MST1R: variants seen among roughly 807,000 people sequenced by gnomAD.
MST1R encodes macrophage-stimulating protein receptor.
Under a neutral mutation model 117.8 loss-of-function variants are expected in MST1R, and 99 were observed. The observed-to-expected ratio is 0.84, with a 90% CI of 0.71 to 0.99. MST1R has a LOEUF of 0.99. MST1R is among the 50% of genes least tolerant of loss of function. The pLI, the probability that MST1R is intolerant of heterozygous loss-of-function variation, is 0.00. For missense variants in MST1R, 1,683 were observed against 1,840.2 expected, an observed-to-expected ratio of 0.91 and a Z score of 1.56; for synonymous variants, 734 against 765.3, an observed-to-expected ratio of 0.96 and a Z score of 0.68.
rs2082421317 is a variant in MST1R, at chr3:49,895,063, G to A, written c.3271+104C>T. 9 of 1,220,480 alleles carry A rather than the reference G, an allele frequency of 7.4e-6. No individual in the cohort carries two copies. In the South Asian group the frequency reaches 1.0e-4, roughly 14 times the overall value. The allele number at this position is 1,220,480 out of a possible 1,614,324, so 75.6% of individuals were successfully genotyped here. A position where few individuals can be genotyped will look rare whatever the true frequency, so the allele number is the denominator to read the frequency against. ...CCTGACCTCATGATCTGCCCGCCTCGGCCTCCCAAAGTGCTGGGATTACAG... is the reference window on the plus strand; with the variant it reads ...CCTGACCTCATGATCTGCCCGCCTCAGCCTCCCAAAGTGCTGGGATTACAG... On this transcript the variant is annotated intron_variant, in intron 14 of 19. Coordinates refer to ENST00000296474, the MANE Select transcript of MST1R (RefSeq NM_002447.4).
In MST1R at chr3:49,898,924, G is replaced by T. The variant is rs763253308; in HGVS notation, c.1491C>A (p.Pro497=). The T allele has an allele frequency of 1.9e-6, 3 of 1,614,158 alleles. No individual in the cohort carries two copies. The African/African-American group carries it at 4.0e-5, about 22-fold the overall frequency. Residue 497 remains proline (P), a synonymous_variant, in exon 3 of 20, where the codon CCC becomes CCA. Transcript: ENST00000296474. Reference sequence around the variant, plus strand: ...CAAGACGACTGACATCCCGCTGCACGGGCTGCCCACTGTCACCCAGTGAGA... The same window carrying T: ...CAAGACGACTGACATCCCGCTGCACTGGCTGCCCACTGTCACCCAGTGAGA... ...SNFSLGDSGQ[P]VQRDVSRLGD... is the part of the protein sequence containing the mutation.
At chr3:49,893,772 G>A (rs1173210580) in intron 14 of MST1R, among the ~76,000 whole-genome samples, 6 of 150,672 alleles carry the variant, frequency 4.0e-5, no homozygotes, top group African/African-American at 9.8e-5. Context: ...GGTGGCAGGC[G>A]CCTGTAGTCC....
Position 49,891,753 on chromosome 3 carries a change from C to G in MST1R, c.3352+5G>C. On this transcript the variant is annotated splice_donor_5th_base_variant and intron_variant, in intron 15 of 19. Transcript: ENST00000296474. Reference sequence around the variant, plus strand: ...CTCTGCCTTCCCATCTTCTGCCCCACTTACGACTTAGTGACTTGATGGCAC... The same window carrying G: ...CTCTGCCTTCCCATCTTCTGCCCCAGTTACGACTTAGTGACTTGATGGCAC... 6.2e-7 allele frequency: 1 copy of G among 1,614,174 alleles called. No homozygotes were observed. The highest frequency in any genetic ancestry group is 8.5e-7 in the Non-Finnish European group (1 of 1,180,008).
chr3:49,902,386 G>A lies in MST1R; in HGVS notation c.1224C>T (p.Pro408=), dbSNP rs1358912428. Residue 408 remains proline (P), a synonymous_variant, in exon 1 of 20, where the codon CCC becomes CCT. Transcript: ENST00000296474. ...LDFFQSPSFC[P]NPPGLEALSP... ...GCCCCTTCTTTCAGCTTACCGGGTT[G>A]GGGCAAAAACTGGGCGACTGGAAGA... 8 of 1,613,094 alleles carry A rather than the reference G, an allele frequency of 5.0e-6. No homozygotes were observed. Among genetic ancestry groups the A allele is most frequent in the Admixed American group, 3.3e-5 (2 of 59,936 alleles).
Position 49,898,561 on chromosome 3 carries a change from G to T in MST1R, c.1676C>A (p.Pro559His). The T allele has an allele frequency of 6.2e-7, 1 of 1,614,016 alleles. No individual in the cohort carries two copies. The highest frequency in any genetic ancestry group is 2.2e-5 in the East Asian group (1 of 44,888). ...GNMCGQQKECPGSWQQDHCPP... is the reference protein window; with the variant it reads ...GNMCGQQKECHGSWQQDHCPP... The stretch of plus-strand genomic sequence containing the variant: ...GCAGTGGTCCTGTTGCCAGGAGCCA[G>T]GACACTCCTTCTGCTGGCCGCACAT... The change falls in exon 4 of 20, where the codon CCT becomes CAT. Residue 559 changes from proline to histidine, a missense_variant. By Grantham distance (77) the Pro-to-His change is moderately conservative (BLOSUM62 -2). Coordinates refer to ENST00000296474, the MANE Select transcript of MST1R (RefSeq NM_002447.4).
In MST1R at chr3:49,899,138, A is replaced by G; in HGVS notation, c.1356T>C (p.Tyr452=). Residue 452 remains tyrosine (Y), a synonymous_variant, in exon 2 of 20, where the codon TAT becomes TAC. Transcript: ENST00000296474. ...CTGTGACGTTGTCAAGGCGTGTCAC[A>G]TACAATGCAGTGACCTGTACTGGTC... ...LLGPVQVTAL[Y]VTRLDNVTVA... 6.2e-7 allele frequency: 1 copy of G among 1,614,186 alleles called. No homozygotes were observed. The highest frequency in any genetic ancestry group is 2.2e-5 in the East Asian group (1 of 44,892).
At position 49,903,187 on chromosome 3, in the gene MST1R, G is replaced by T; in HGVS notation, c.423C>A (p.Gly141=). ...ALVSCGSSLQ[G]RCFLHDLEPQ... ...GCTCTAGGTCATGCAGGAAGCAGCG[G>T]CCCTGCAGGCTGGAGCCACAACTGA... Residue 141 remains glycine, a synonymous_variant, in exon 1 of 20, where the codon GGC becomes GGA. Transcript: ENST00000296474. The T allele has an allele frequency of 6.2e-7, 1 of 1,605,438 alleles. No homozygotes were observed.
At position 49,893,503 on chromosome 3, in the gene MST1R, G is replaced by A. The variant is rs1371586820; in HGVS notation, c.3271+1664C>T. Among the ~76,000 whole-genome samples, 5 of 149,070 alleles carry A rather than the reference G, an allele frequency of 3.4e-5. No homozygotes were observed. In the South Asian group the frequency reaches 1.1e-3, roughly 32 times the overall value. Reference sequence around the variant, plus strand: ...CCTGTAATCCCAGCTACTAGGGAGGGTGAGGCAGGAGAATTGCTTGAACCT... The same window carrying A: ...CCTGTAATCCCAGCTACTAGGGAGGATGAGGCAGGAGAATTGCTTGAACCT... On this transcript the variant is annotated intron_variant, in intron 14 of 19. Transcript: ENST00000296474.
chr3:49,891,093 G>A (rs775307218), intron 17 of MST1R, 104 bp downstream of exon 17: 34 of 1,010,130 alleles, frequency 3.4e-5, no homozygotes, highest in Non-Finnish European at 5.0e-5. Context: ...GGTGCAGAGA[G>A]GGGAGGACAA....
intron 9 of MST1R, 21 bp from the exon 10 acceptor site, chr3:49,896,425 GTGA>G: frequency 6.2e-7 from 1 of 1,608,362 alleles, no homozygotes; most frequent in Non-Finnish European, 8.5e-7. Flanking sequence ...CAATATGAGA[GTGA>G]TTAGCCAGGA....
Position 49,897,261 on chromosome 3 carries a change from C to T in MST1R, c.2183+19G>A, listed in dbSNP as rs754428543. 1.9e-6 allele frequency: 3 copies of T among 1,587,124 alleles called. No individual in the cohort carries two copies. The South Asian group carries it at 3.4e-5, about 18-fold the overall frequency. On this transcript the variant is annotated intron_variant, in intron 7 of 19. Coordinates refer to ENST00000296474, the MANE Select transcript of MST1R (RefSeq NM_002447.4). ...GGATAGAACCCTGCGGCCTCCCATG[C>T]CTGCCTGGTGGTACTTACCGTGCTA...
In MST1R at chr3:49,892,933, C is replaced by T. The variant is rs1413428863; in HGVS notation, c.3272-1095G>A. On this transcript the variant is annotated intron_variant, in intron 14 of 19. Transcript: ENST00000296474. ...CGAGATTGCACTACTGCACTCCAGC[C>T]TGGGCAATAGAGTGAGACTCTGTCT... is the stretch of plus-strand genomic sequence containing the variant. Among the ~76,000 whole-genome samples, 4 of 151,850 alleles carry T rather than the reference C, an allele frequency of 2.6e-5. No homozygotes were observed. In the East Asian group the frequency reaches 7.8e-4, roughly 29 times the overall value.
At position 49,890,024 on chromosome 3, in the gene MST1R, G is replaced by A. The variant is rs752084153; in HGVS notation, c.3847C>T (p.Arg1283Trp). The A allele has an allele frequency of 9.9e-6, 16 of 1,612,584 alleles. No individual in the cohort carries two copies. The Admixed American group carries it at 1.2e-4, about 12-fold the overall frequency. The stretch of plus-strand genomic sequence containing the variant: ...ATGTGGCGGTATGGTGGGGCACCCC[G>A]TGTCAGCAGTTCCCACAGCAGCACA... ...FGVLLWELLT[R>W]GAPPYRHIDP... The change falls in exon 19 of 20, where the codon CGG (arginine) becomes TGG (tryptophan). Residue 1283 changes from arginine (R) to tryptophan (W), a missense_variant. By Grantham distance (101) the Arg-to-Trp change is moderately radical. Transcript: ENST00000296474.
At position 49,895,702 on chromosome 3, in the gene MST1R, G is replaced by A. The variant is rs1393407299; in HGVS notation, c.2962+13C>T. Reference sequence around the variant, plus strand: ...GGGTAGGGGCTGATTAAAGGTAGGAGCAGAGAACTCACCTAGCTGCTTCCT... The same window carrying A: ...GGGTAGGGGCTGATTAAAGGTAGGAACAGAGAACTCACCTAGCTGCTTCCT... On this transcript the variant is annotated intron_variant, in intron 12 of 19. Transcript: ENST00000296474. The A allele has an allele frequency of 3.7e-6, 6 of 1,611,998 alleles. No homozygotes were observed. Among genetic ancestry groups the A allele is most frequent in the South Asian group, 1.1e-5 (1 of 91,058 alleles).
chr3:49,902,533 G>A lies in MST1R; in HGVS notation c.1077C>T (p.Gly359=), dbSNP rs755334669. The A allele has an allele frequency of 2.4e-5, 39 of 1,613,928 alleles. 1 individual carries two copies. In the South Asian group the frequency reaches 3.8e-4, roughly 16 times the overall value. The change falls in exon 1 of 20, where the codon GGC becomes GGT. Residue 359 remains glycine (G), a synonymous_variant. Coordinates refer to ENST00000296474, the MANE Select transcript of MST1R (RefSeq NM_002447.4). ...VFVTGKDGGP[G]VGPNSVVCAF... is the part of the protein sequence containing the mutation. Reference sequence around the variant, plus strand: ...CACAGACGACAGAGTTGGGGCCCACGCCAGGACCACCATCCTTGCCAGTCA... The same window carrying A: ...CACAGACGACAGAGTTGGGGCCCACACCAGGACCACCATCCTTGCCAGTCA...
chr3:49,899,529 C>T (rs1014200682), intron 1 of MST1R: 13 of 388,006 alleles, frequency 3.4e-5, no homozygotes, highest in Non-Finnish European at 5.9e-5. Flanking sequence ...GTGAGTTACC[C>T]CCATTCCATC....
Position 49,899,092 on chromosome 3 carries a change from C to T in MST1R, c.1402G>A (p.Asp468Asn), listed in dbSNP as rs778680733. 4 of 1,614,018 alleles carry T rather than the reference C, an allele frequency of 2.5e-6. No individual in the cohort carries two copies. Among genetic ancestry groups the T allele is most frequent in the South Asian group, 2.2e-5 (2 of 91,088 alleles). ...NVTVAHMGTMDGRILQVELVR... is the reference protein window; with the variant it reads ...NVTVAHMGTMNGRILQVELVR... Reference sequence around the variant, plus strand: ...GGACCCACCTGCAGGATACGCCCATCCATTGTGCCCATGTGTGCCACTGTG... The same window carrying T: ...GGACCCACCTGCAGGATACGCCCATTCATTGTGCCCATGTGTGCCACTGTG... Residue 468 changes from aspartate (D) to asparagine (N), a missense_variant, in exon 2 of 20, where the codon GAT becomes AAT. By Grantham distance (23) the Asp-to-Asn change is conservative. Coordinates refer to ENST00000296474, the MANE Select transcript of MST1R (RefSeq NM_002447.4).
chr3:49,890,739 T>G, intron 17 of MST1R, 89 bp from the exon 18 acceptor site: 1 of 1,363,796 alleles, frequency 7.3e-7, no homozygotes, highest in South Asian at 1.5e-5. Flanking sequence ...ATTTTTTTTT[T>G]TTTTGAGACG....
intron 14 of MST1R, among the ~76,000 whole-genome samples, chr3:49,893,804 C>T (rs1326553645): frequency 6.7e-6 from 1 of 149,918 alleles, no homozygotes; most frequent in Non-Finnish European, 1.5e-5. Context: ...GAGGCTGAGG[C>T]AGGAGAATGG....
Sources: allele counts gnomAD v4.1 joint callset (sites outside exome capture counted in the v4.1 genomes callset), GRCh38; gene constraint gnomAD v4.1.1; transcripts MANE v1.5; gene names NCBI Gene and HGNC (gene_info 2026-07-23, HGNC 2026-07-21).